Variants in ASAP1 observed in about 807,000 individuals in gnomAD.
ASAP1 encodes the protein arf-GAP with SH3 domain, ANK repeat and PH domain-containing protein 1.
Under a neutral mutation model 145.2 loss-of-function variants are expected in ASAP1, and 43 were observed. That is an observed-to-expected ratio of 0.30 (90% CI 0.23 to 0.38). The LOEUF (loss-of-function observed/expected upper bound fraction) is 0.38. Among genes scored for constraint, ASAP1 ranks in the 10% least tolerant of loss-of-function variants. ASAP1 has a pLI of 1.00. For synonymous variants in ASAP1, 546 were observed against 515.5 expected, an observed-to-expected ratio of 1.06 and a Z score of -0.80; for missense variants, 1,018 against 1,355.3, an observed-to-expected ratio of 0.75 and a Z score of 3.91.
At chr8:130,332,319 TGAAAGA>T in intron 3 of ASAP1, among the ~76,000 whole-genome samples, 1 of 152,320 alleles carries the variant, frequency 6.6e-6, no homozygotes, top group Non-Finnish European at 1.5e-5. Context: ...TTTTTCCTGC[TGAAAGA>T]GAAAACCTAA....
intron 3 of ASAP1, among the ~76,000 whole-genome samples, chr8:130,326,317 G>A (rs1263247910): frequency 2.0e-5 from 3 of 152,186 alleles, no homozygotes; most frequent in Non-Finnish European, 2.9e-5. Flanking sequence ...CTCATGCACC[G>A]ACTTGCAAAG....
chr8:130,296,125 C>T (rs1030361513), intron 3 of ASAP1, among the ~76,000 whole-genome samples: 1 of 152,216 alleles, frequency 6.6e-6, no homozygotes, highest in Non-Finnish European at 1.5e-5. Context: ...GCACCTAGCT[C>T]ATCACTGTTC....
At chr8:130,377,119 G>A (rs1313756921) in intron 2 of ASAP1, among the ~76,000 whole-genome samples, 2 of 151,880 alleles carry the variant, frequency 1.3e-5, no homozygotes, top group African/African-American at 4.8e-5. Flanking sequence ...CCTGAGCCCA[G>A]GAATGGAAAA....
intron 9 of ASAP1, among the ~76,000 whole-genome samples, chr8:130,178,108 T>G (rs1173754369): frequency 6.6e-6 from 1 of 152,248 alleles, no homozygotes; most frequent in Non-Finnish European, 1.5e-5. Flanking sequence ...TACAGGTATC[T>G]TTCTAAATAT....
At chr8:130,198,840 C>G (rs1815683618) in intron 5 of ASAP1, among the ~76,000 whole-genome samples, 1 of 152,220 alleles carries the variant, frequency 6.6e-6, no homozygotes, top group Admixed American at 6.5e-5. Flanking sequence ...TTATATCACT[C>G]TCCTGCTTAA....
chr8:130,352,199 A>G (rs1826034176), intron 3 of ASAP1, among the ~76,000 whole-genome samples: 1 of 146,670 alleles, frequency 6.8e-6, no homozygotes, highest in Non-Finnish European at 1.5e-5. Context: ...TTTTAGCTAA[A>G]TCCTTCCTAA....
In ASAP1 at chr8:130,118,226, A is replaced by G. The variant is rs749295335; in HGVS notation, c.1815T>C (p.Leu605=). ...GATCTGCAGTTCGGACGGCAAGGTG[A>G]AGGGCTGTCTCCCCAAGCTCCTAAA... ...EPGQELGETA[L]HLAVRTADQT... The change falls in exon 20 of 30, where the codon CTT becomes CTC. Residue 605 remains leucine (L), a synonymous_variant. Coordinates refer to ENST00000518721, the MANE Select transcript of ASAP1 (RefSeq NM_018482.4). 2 of 1,613,960 alleles carry G rather than the reference A, an allele frequency of 1.2e-6. No homozygotes were observed. The highest frequency in any genetic ancestry group is 2.2e-5 in the South Asian group (2 of 91,068).
At chr8:130,384,722 T>C (rs1231498182) in intron 2 of ASAP1, among the ~76,000 whole-genome samples, 1 of 152,204 alleles carries the variant, frequency 6.6e-6, no homozygotes, top group Admixed American at 6.5e-5. Context: ...CCTCAGGTGA[T>C]CCACTGATAG....
At chr8:130,093,133 G>C (rs1390451572) in intron 24 of ASAP1, among the ~76,000 whole-genome samples, 1 of 152,028 alleles carries the variant, frequency 6.6e-6, no homozygotes, top group Non-Finnish European at 1.5e-5. Context: ...ACTTTCTCCA[G>C]AGCTAAAGAC....
chr8:130,404,575 C>T (rs1828941798), intron 1 of ASAP1, among the ~76,000 whole-genome samples: 1 of 152,202 alleles, frequency 6.6e-6, no homozygotes, highest in Non-Finnish European at 1.5e-5. Flanking sequence ...CCTCTCCCAG[C>T]CTGCTCCTCA....
chr8:130,173,921 GA>G (rs148540620), intron 9 of ASAP1, among the ~76,000 whole-genome samples: 15,313 of 146,984 alleles, frequency 0.1, 914 homozygotes, highest in South Asian at 0.28. Context: ...AAAAAAAAAA[GA>G]AAAAAAAAAT....
At chr8:130,183,398 T>C (rs1350862250) in intron 7 of ASAP1, among the ~76,000 whole-genome samples, 2 of 152,138 alleles carry the variant, frequency 1.3e-5, no homozygotes, top group Non-Finnish European at 2.9e-5. Flanking sequence ...TGGAGTGCAG[T>C]GGTCCGATCT....
chr8:130,265,397 C>T (rs1820179903), intron 3 of ASAP1, among the ~76,000 whole-genome samples: 1 of 150,784 alleles, frequency 6.6e-6, no homozygotes, highest in Admixed American at 6.6e-5. Flanking sequence ...ATAGCAAGAC[C>T]TCATCTCAAC....
intron 4 of ASAP1, among the ~76,000 whole-genome samples, chr8:130,233,575 A>G (rs145978631): frequency 0.013 from 1,970 of 152,268 alleles, 20 homozygotes; most frequent in Non-Finnish European, 0.02. Flanking sequence ...TACAAAATGA[A>G]TATCATTTCC....
chr8:130,407,073 T>C (rs1324390359), intron 1 of ASAP1, among the ~76,000 whole-genome samples: 4 of 152,144 alleles, frequency 2.6e-5, no homozygotes, highest in Non-Finnish European at 5.9e-5. Context: ...GAGAACATGA[T>C]TAAAGCACTA....
chr8:130,118,290 T>C (rs767184230), intron 19 of ASAP1, 44 bp from the exon 20 acceptor site: 31 of 1,583,440 alleles, frequency 2.0e-5, no homozygotes, highest in Non-Finnish European at 2.6e-5. Flanking sequence ...TAATATGCTC[T>C]GCCAAGGGAG....
intron 9 of ASAP1, 134 bp from the exon 10 acceptor site, chr8:130,169,201 C>A (rs1408706549): frequency 7.9e-6 from 4 of 504,012 alleles, no homozygotes; most frequent in East Asian, 3.1e-5. Context: ...TATATATACT[C>A]ATTCTCTATG....
intron 11 of ASAP1, among the ~76,000 whole-genome samples, chr8:130,164,936 C>A (rs1055469693): frequency 6.6e-6 from 1 of 152,174 alleles, no homozygotes; most frequent in South Asian, 2.1e-4. Flanking sequence ...GGTCTCCTCT[C>A]ACATTTAATC....
chr8:130,419,312 G>T (rs7017089), intron 1 of ASAP1, among the ~76,000 whole-genome samples: 1 of 152,156 alleles, frequency 6.6e-6, no homozygotes, highest in Non-Finnish European at 1.5e-5. Flanking sequence ...CATCCCCATC[G>T]TCTGCCACTA....
Sources: allele counts gnomAD v4.1 joint callset (sites outside exome capture counted in the v4.1 genomes callset), GRCh38; gene constraint gnomAD v4.1.1; transcripts MANE v1.5; gene names NCBI Gene and HGNC (gene_info 2026-07-23, HGNC 2026-07-21).